The following IVD variants were observed in gnomAD, a reference collection of about 807,000 sequenced individuals.
The protein encoded by IVD is isovaleryl-CoA dehydrogenase.
A neutral mutation model predicts 51.3 loss-of-function variants in IVD; 31 were observed. The observed-to-expected ratio is 0.60, with a 90% CI of 0.45 to 0.81. The LOEUF (loss-of-function observed/expected upper bound fraction) is 0.81, where lower values mean the gene tolerates loss of function less well. IVD is among the 40% of genes least tolerant of loss of function. IVD has a pLI of 0.00. For missense variants in IVD, 475 were observed against 552.0 expected (o/e 0.86, Z 1.40); for synonymous variants, 205 against 219.4 (o/e 0.93, Z 0.58).
intron 1 of IVD, among the ~76,000 whole-genome samples, chr15:40,406,581 C>T (rs2141294374): frequency 6.6e-6 from 1 of 151,306 alleles, no homozygotes; most frequent in Admixed American, 6.6e-5. Flanking sequence ...ATTGTTTGAG[C>T]TCAGGGGTTT....
chr15:40,419,462 T>C lies in IVD; in HGVS notation c.*1199T>C, dbSNP rs1480027140. 3.0e-6 allele frequency: 1 copy of C among 328,238 alleles called. No homozygotes were observed. The highest frequency in any genetic ancestry group is 2.3e-5 in the African/African-American group (1 of 44,314). 20.3% of individuals were successfully genotyped at this position (328,238 alleles called of 1,614,324 possible). A position where few individuals can be genotyped will look rare whatever the true frequency, so the allele number is the denominator to read the frequency against. ...GGAGGTGGAGGTTGCAATGAGCCAA[T>C]ATGACACCGCTGCAGTCCAGCCTGG... On this transcript the variant is annotated 3_prime_UTR_variant, in exon 12 of 12. Coordinates refer to ENST00000487418, the MANE Select transcript of IVD (RefSeq NM_002225.5).
At chr15:40,426,846 C>T (rs1308773778), downstream of IVD, among the ~76,000 whole-genome samples, 2 of 152,204 alleles carry the variant, frequency 1.3e-5, no homozygotes, top group African/African-American at 4.8e-5. Flanking sequence ...CTTCCCCAGC[C>T]AGGCCCATAA....
chr15:40,406,567 G>A (rs1890440786), intron 1 of IVD, among the ~76,000 whole-genome samples: 1 of 152,156 alleles, frequency 6.6e-6, no homozygotes, highest in Non-Finnish European at 1.5e-5. Context: ...GCCGAGGTGG[G>A]AGGATTGTTT....
Position 40,405,951 on chromosome 15 carries a change from C to G in IVD, c.124C>G (p.Leu42Val), listed in dbSNP as rs777674887. Reference protein sequence around the residue: ...LLPVDDAINGLSEEQRQLRQT... With the variant: ...LLPVDDAINGVSEEQRQLRQT... Reference sequence around the variant, plus strand: ...GCCCGTGGACGATGCAATCAATGGGCTAAGCGAGGAGCAGAGGCAGGTGAG... The same window carrying G: ...GCCCGTGGACGATGCAATCAATGGGGTAAGCGAGGAGCAGAGGCAGGTGAG... The change falls in exon 1 of 12, where the codon CTA (leucine) becomes GTA (valine). Residue 42 changes from leucine to valine, a missense_variant. Physicochemically the swap from Leu to Val is conservative, Grantham distance 32 (BLOSUM62 1). Transcript: ENST00000487418. 2 of 1,611,454 alleles carry G rather than the reference C, an allele frequency of 1.2e-6. No homozygotes were observed. The highest frequency in any genetic ancestry group is 1.7e-6 in the Non-Finnish European group (2 of 1,179,106).
chr15:40,424,168 C>G, downstream of IVD: 1 of 1,288,230 alleles, frequency 7.8e-7, no homozygotes, highest in South Asian at 1.2e-5. Flanking sequence ...TACACTGAAC[C>G]AGTGAACTAT....
At chr15:40,425,915 T>C (rs997849031), downstream of IVD, among the ~76,000 whole-genome samples, 1 of 151,846 alleles carries the variant, frequency 6.6e-6, no homozygotes, top group Non-Finnish European at 1.5e-5. Context: ...GCTCAAGTGA[T>C]TCTCCCACTT....
chr15:40,422,836 T>C (rs897961718), downstream of IVD, among the ~76,000 whole-genome samples: 24 of 139,624 alleles, frequency 1.7e-4, no homozygotes, highest in African/African-American at 4.4e-4. Flanking sequence ...CTGGCCTCAA[T>C]TGATCCACCG....
rs752352907 is a variant in IVD at position 40,420,283 on chromosome 15, G to C, written c.*2020G>C. On this transcript the variant is annotated 3_prime_UTR_variant, in exon 12 of 12. Transcript: ENST00000487418. Reference sequence around the variant, plus strand: ...AGTCCTGGCCGTGTGACCACCCACAGCTGACTGGGCAGCAGGCACAGGCCC... The same window carrying C: ...AGTCCTGGCCGTGTGACCACCCACACCTGACTGGGCAGCAGGCACAGGCCC... The C allele has an allele frequency of 1.0e-6, 1 of 987,666 alleles. No individual in the cohort carries two copies. The highest frequency in any genetic ancestry group is 1.2e-6 in the Non-Finnish European group (1 of 830,164). The allele number at this position is 987,666 out of a possible 1,614,324, so 61.2% of individuals were successfully genotyped here.
downstream of IVD, among the ~76,000 whole-genome samples, chr15:40,429,233 G>A (rs867381743): frequency 2.0e-5 from 3 of 152,074 alleles, no homozygotes. Context: ...CCTCACTTAG[G>A]CACCTGTCCC....
chr15:40,421,478 T>G (rs1892294826), downstream of IVD, among the ~76,000 whole-genome samples: 1 of 152,200 alleles, frequency 6.6e-6, no homozygotes, highest in Admixed American at 6.5e-5. Context: ...GGTCACACTA[T>G]CAGGGCAGCT....
downstream of IVD, among the ~76,000 whole-genome samples, chr15:40,421,597 T>TG (rs1167701615): frequency 1.3e-5 from 2 of 152,204 alleles, no homozygotes; most frequent in Non-Finnish European, 2.9e-5. Context: ...CTAGAATAAA[T>TG]GCAGGTTCCT....
chr15:40,406,058 C>T (rs1890374518), intron 1 of IVD, 87 bp downstream of exon 1: 1 of 1,546,796 alleles, frequency 6.5e-7, no homozygotes, highest in Non-Finnish European at 8.7e-7. Context: ...CCCATCGGCC[C>T]AGCGCCCACC....
chr15:40,414,981 G>T lies in IVD; in HGVS notation c.877G>T (p.Gly293Trp). ...ERLVLAGGPL[G>W]LMQAVLDHTI... ...GCTGGTGCTGGCCGGGGGGCCTCTT[G>T]GGTAAGTGTGAGAGGCTTGAGGGAA... Residue 293 changes from glycine to tryptophan, a missense_variant and splice_region_variant, in exon 8 of 12, where the codon GGG becomes TGG. Physicochemically the swap from Gly to Trp is radical, Grantham distance 184. Transcript: ENST00000487418. 1 of 1,613,604 alleles carries T rather than the reference G, an allele frequency of 6.2e-7. No homozygotes were observed. The highest frequency in any genetic ancestry group is 8.5e-7 in the Non-Finnish European group (1 of 1,179,886).
At chr15:40,435,500 A>T in exon 9 of IVD, 1 of 1,255,888 alleles carries the variant, frequency 8.0e-7, no homozygotes, top group Non-Finnish European at 1.0e-6. Context: ...GAGCACTGCG[A>T]GGGAACTGAG....
At chr15:40,424,224 C>G (rs751466869), downstream of IVD, 1 of 1,284,108 alleles carries the variant, frequency 7.8e-7, no homozygotes, top group South Asian at 1.2e-5. Context: ...CCTGTAAGAT[C>G]TAAGGCTTGG....
rs1261661599 is a variant in IVD, at chr15:40,418,611, C to A, written c.*348C>A. On this transcript the variant is annotated 3_prime_UTR_variant, in exon 12 of 12. Coordinates refer to ENST00000487418, the MANE Select transcript of IVD (RefSeq NM_002225.5). The stretch of plus-strand genomic sequence containing the variant: ...TGGGGGCATGCAGGTGCCCACCTCC[C>A]AGGGTAGGCACCTGGGGGCATGCAG... 11 of 1,023,548 alleles carry A rather than the reference C, an allele frequency of 1.1e-5. No homozygotes were observed. The Admixed American group carries it at 1.4e-4, about 13-fold the overall frequency. The allele number at this position is 1,023,548 out of a possible 1,614,324, so 63.4% of individuals were successfully genotyped here.
intron 8 of IVD, 154 bp downstream of exon 8, chr15:40,415,136 A>G (rs1436224080): frequency 4.6e-6 from 4 of 872,614 alleles, no homozygotes; most frequent in Non-Finnish European, 5.3e-6. Flanking sequence ...TCCTCTTCCC[A>G]TGTTGAATTT....
At chr15:40,423,534 T>G (rs1453491185), downstream of IVD, among the ~76,000 whole-genome samples, 1 of 152,242 alleles carries the variant, frequency 6.6e-6, no homozygotes, top group African/African-American at 2.4e-5. Context: ...TAATCTCAGC[T>G]GACTGCAACC....
At chr15:40,421,846 G>A (rs1461978496), downstream of IVD, among the ~76,000 whole-genome samples, 1 of 152,170 alleles carries the variant, frequency 6.6e-6, no homozygotes, top group African/African-American at 2.4e-5. Flanking sequence ...TCAGAAGACC[G>A]GTAAGGTGAG....
Sources: allele counts gnomAD v4.1 joint callset (sites outside exome capture counted in the v4.1 genomes callset), GRCh38; gene constraint gnomAD v4.1.1; transcripts MANE v1.5; gene names NCBI Gene and HGNC (gene_info 2026-07-23, HGNC 2026-07-21).